TMED3: variants seen among roughly 807,000 people sequenced by gnomAD.
TMED3 encodes transmembrane p24 trafficking protein 3.
In TMED3, 9 loss-of-function variants were observed where a neutral mutation model predicts 15.0. The ratio of observed to expected loss-of-function variants is 0.60; its 90% CI spans 0.36 to 1.04. The LOEUF (loss-of-function observed/expected upper bound fraction) is 1.04, where lower values mean the gene tolerates loss of function less well. Among genes scored for constraint, TMED3 ranks in the 50% least tolerant of loss-of-function variants. TMED3 has a pLI of 0.01. For synonymous variants in TMED3, 117 were observed against 121.4 expected (o/e 0.96, Z 0.24); for missense variants, 267 against 278.9 (o/e 0.96, Z 0.30).
chr15:79,311,308 G>T lies in TMED3; in HGVS notation c.59G>T (p.Arg20Leu). The change falls in exon 1 of 3, where the codon CGG becomes CTG. Residue 20 changes from arginine to leucine, a missense_variant. Arg to Leu is a moderately radical substitution (Grantham distance 102, BLOSUM62 -2). Coordinates refer to ENST00000299705, the MANE Select transcript of TMED3 (RefSeq NM_007364.4). Reference protein sequence around the residue: ...SVLLLLLLLRRAEQPCGAELT... With the variant: ...SVLLLLLLLRLAEQPCGAELT... ...CTGCTTCTGCTGCTGCTCCTGCGCC[G>T]GGCCGAGCAGCCCTGCGGGGCCGAG... is the stretch of plus-strand genomic sequence containing the variant. 1 of 1,608,454 alleles carries T rather than the reference G, an allele frequency of 6.2e-7. No homozygotes were observed. The highest frequency in any genetic ancestry group is 8.5e-7 in the Non-Finnish European group (1 of 1,178,130).
chr15:79,377,145 G>A (rs188380073), intron 2 of TMED3, among the ~76,000 whole-genome samples: 74 of 152,272 alleles, frequency 4.9e-4, no homozygotes, highest in African/African-American at 1.7e-3. Flanking sequence ...TGCAATTTTA[G>A]GTTGAGCCAT....
chr15:79,411,121 T>C (rs1893972847), intron 2 of TMED3, among the ~76,000 whole-genome samples: 1 of 152,160 alleles, frequency 6.6e-6, no homozygotes, highest in Admixed American at 6.5e-5. Flanking sequence ...AGATATTAGG[T>C]AACTCACCCG....
chr15:79,321,950 G>C lies in TMED3; in HGVS notation c.418-28G>C, dbSNP rs761518586. 7 of 1,610,338 alleles carry C rather than the reference G, an allele frequency of 4.3e-6. No individual in the cohort carries two copies. The East Asian group carries it at 1.6e-4, about 36-fold the overall frequency. ...TCCCACATTTGTCTATGGGTTAGCA[G>C]TGTGACTGCTTTTCTCTTCCTGCCC... On this transcript the variant is annotated intron_variant, in intron 2 of 2. Coordinates refer to ENST00000299705, the MANE Select transcript of TMED3 (RefSeq NM_007364.4).
chr15:79,413,413 C>T (rs1894020961), exon 3 of TMED3: 1 of 150,930 alleles, frequency 6.6e-6, no homozygotes, highest in African/African-American at 2.5e-5. Flanking sequence ...CAGAACCCAA[C>T]AGAGGGGTTG....
At chr15:79,382,745 T>C (rs946713950) in intron 2 of TMED3, among the ~76,000 whole-genome samples, 1 of 152,226 alleles carries the variant, frequency 6.6e-6, no homozygotes, top group African/African-American at 2.4e-5. Context: ...GTATGGCTAA[T>C]GGCTTTTTCA....
chr15:79,336,262 C>A (rs1178293777), intron 2 of TMED3, among the ~76,000 whole-genome samples: 2 of 152,164 alleles, frequency 1.3e-5, no homozygotes, highest in African/African-American at 4.8e-5. Flanking sequence ...CTCTCTGAAC[C>A]TCTGTGGCTC....
At position 79,322,093 on chromosome 15, in the gene TMED3, G is replaced by A; in HGVS notation, c.533G>A (p.Arg178Gln). ...GCCCGAGCAGAAGACCTTAATAGCC[G>A]AGTCTCTTACTGGTCTGTTGGCGAG... ...DRARAEDLNS[R>Q]VSYWSVGETI... Residue 178 changes from arginine to glutamine, a missense_variant, in exon 3 of 3, where the codon CGA (arginine) becomes CAA (glutamine). Physicochemically the swap from Arg to Gln is conservative, Grantham distance 43 (BLOSUM62 1). Coordinates refer to ENST00000299705, the MANE Select transcript of TMED3 (RefSeq NM_007364.4). 9 of 1,614,186 alleles carry A rather than the reference G, an allele frequency of 5.6e-6. No homozygotes were observed. The highest frequency in any genetic ancestry group is 1.3e-5 in the African/African-American group (1 of 75,056).
At chr15:79,377,039 A>G (rs890073172) in intron 2 of TMED3, among the ~76,000 whole-genome samples, 1 of 152,182 alleles carries the variant, frequency 6.6e-6, no homozygotes, top group African/African-American at 2.4e-5. Context: ...CCACTTTGGG[A>G]AGAACTAGAG....
At chr15:79,327,305 C>T (rs1285149313), downstream of TMED3, among the ~76,000 whole-genome samples, 1 of 152,156 alleles carries the variant, frequency 6.6e-6, no homozygotes, top group Non-Finnish European at 1.5e-5. Context: ...CTAAATCTGC[C>T]AATGCCTTAA....
At position 79,322,095 on chromosome 15, in the gene TMED3, G is replaced by C. The variant is rs2141218294; in HGVS notation, c.535G>C (p.Val179Leu). 1.9e-6 allele frequency: 3 copies of C among 1,614,224 alleles called. No individual in the cohort carries two copies. The highest frequency in any genetic ancestry group is 2.5e-6 in the Non-Finnish European group (3 of 1,180,054). Reference sequence around the variant, plus strand: ...CCGAGCAGAAGACCTTAATAGCCGAGTCTCTTACTGGTCTGTTGGCGAGAC... The same window carrying C: ...CCGAGCAGAAGACCTTAATAGCCGACTCTCTTACTGGTCTGTTGGCGAGAC... ...RARAEDLNSR[V>L]SYWSVGETIA... Residue 179 changes from valine (V) to leucine (L), a missense_variant, in exon 3 of 3, where the codon GTC becomes CTC. By Grantham distance (32) the Val-to-Leu change is conservative (BLOSUM62 1). Transcript: ENST00000299705.
chr15:79,400,095 G>A (rs1045003494), intron 2 of TMED3, among the ~76,000 whole-genome samples: 1 of 152,182 alleles, frequency 6.6e-6, no homozygotes, highest in Non-Finnish European at 1.5e-5. Context: ...CTGAGGTCTA[G>A]CTAAAAGACC....
At chr15:79,332,815 C>G (rs781701408) in intron 2 of TMED3, among the ~76,000 whole-genome samples, 1 of 152,166 alleles carries the variant, frequency 6.6e-6, no homozygotes, top group African/African-American at 2.4e-5. Flanking sequence ...ATGATGTATT[C>G]TGGGCTTCCA....
At chr15:79,373,365 A>G (rs777293527) in intron 2 of TMED3, among the ~76,000 whole-genome samples, 12 of 152,188 alleles carry the variant, frequency 7.9e-5, no homozygotes, top group Non-Finnish European at 1.6e-4. Flanking sequence ...TGGCTGTTCA[A>G]TTGTCTTCAA....
intron 2 of TMED3, among the ~76,000 whole-genome samples, chr15:79,363,075 A>ATT (rs1322964802): frequency 6.6e-6 from 1 of 152,234 alleles, no homozygotes; most frequent in Non-Finnish European, 1.5e-5. Flanking sequence ...ACAGTAATTC[A>ATT]TTAGATGAGA....
chr15:79,326,725 G>C (rs367662636), downstream of TMED3, among the ~76,000 whole-genome samples: 3 of 152,212 alleles, frequency 2.0e-5, no homozygotes, highest in African/African-American at 7.2e-5. Flanking sequence ...ATGGTATTAG[G>C]AGGTGGGACA....
chr15:79,385,041 G>A (rs1008060143), intron 2 of TMED3, among the ~76,000 whole-genome samples: 4 of 152,232 alleles, frequency 2.6e-5, no homozygotes, highest in African/African-American at 9.7e-5. Context: ...GCAAGGTTGG[G>A]TGATGGCCCA....
intron 2 of TMED3, among the ~76,000 whole-genome samples, chr15:79,343,346 C>T (rs564821496): frequency 5.3e-5 from 8 of 152,278 alleles, no homozygotes; most frequent in African/African-American, 9.6e-5. Context: ...TCTCCATCTG[C>T]GTACCTTTGT....
chr15:79,360,812 T>C (rs1409950752), intron 2 of TMED3, among the ~76,000 whole-genome samples: 2 of 152,234 alleles, frequency 1.3e-5, no homozygotes, highest in African/African-American at 4.8e-5. Flanking sequence ...ACAGAATCAC[T>C]TAAAACGAAT....
chr15:79,336,424 G>A (rs1376501501), intron 2 of TMED3, among the ~76,000 whole-genome samples: 2 of 152,156 alleles, frequency 1.3e-5, no homozygotes, highest in African/African-American at 2.4e-5. Context: ...TTGGGAGGCC[G>A]AGGTGGGTGG....
Sources: allele counts gnomAD v4.1 joint callset (sites outside exome capture counted in the v4.1 genomes callset), GRCh38; gene constraint gnomAD v4.1.1; transcripts MANE v1.5; gene names NCBI Gene and HGNC (gene_info 2026-07-23, HGNC 2026-07-21).